The following HORMAD2 variants were observed in gnomAD, a reference collection of about 807,000 sequenced individuals.
The protein encoded by HORMAD2 is HORMA domain-containing protein 2.
Under a neutral mutation model 38.8 loss-of-function variants are expected in HORMAD2, and 45 were observed. The ratio of observed to expected loss-of-function variants is 1.16; its 90% CI spans 0.91 to 1.49. The LOEUF is 1.49. HORMAD2 is among the 40% of genes most tolerant of loss of function. HORMAD2 has a pLI of 0.00. For synonymous variants in HORMAD2, 126 were observed against 122.8 expected, an observed-to-expected ratio of 1.03 and a Z score of -0.17; for missense variants, 338 against 367.0, an observed-to-expected ratio of 0.92 and a Z score of 0.65.
chr22:30,163,352 A>T (rs1201487915), intron 10 of HORMAD2, among the ~76,000 whole-genome samples: 1 of 152,138 alleles, frequency 6.6e-6, no homozygotes, highest in African/African-American at 2.4e-5. Context: ...CTGTTCAAAG[A>T]TTGTATTACC....
At chr22:30,098,762 GA>G (rs1920925677) in intron 2 of HORMAD2, 89 bp from the exon 3 acceptor site, 1 of 1,118,008 alleles carries the variant, frequency 8.9e-7, no homozygotes, top group Non-Finnish European at 1.2e-6. Context: ...GAAGTCCTGA[GA>G]AATCTTTTCA....
intron 10 of HORMAD2, among the ~76,000 whole-genome samples, chr22:30,131,795 C>CT (rs910541384): frequency 2.6e-4 from 40 of 152,040 alleles, no homozygotes; most frequent in African/African-American, 8.9e-4. Context: ...TTTAAGATAG[C>CT]TTTTTTCTTT....
chr22:30,197,910 C>T, the HORMAD2 span, among the ~76,000 whole-genome samples: 1 of 152,088 alleles, frequency 6.6e-6, no homozygotes, highest in African/African-American at 2.4e-5. Flanking sequence ...GGGCAGGTGG[C>T]TCAGGTCTGT....
In HORMAD2 at chr22:30,176,043, C is replaced by G. The variant is rs373086877; in HGVS notation, c.820-20C>G. ...TCAAAATCTCTGCTGAATTGTGCCT[C>G]TCTCTGGTGATTCTCACAGATTCAA... On this transcript the variant is annotated intron_variant, in intron 10 of 10. Coordinates refer to ENST00000336726, the MANE Select transcript of HORMAD2 (RefSeq NM_152510.4). The G allele has an allele frequency of 5.9e-6, 9 of 1,531,534 alleles. No homozygotes were observed. The South Asian group carries it at 7.8e-5, about 13-fold the overall frequency. 94.9% of individuals were successfully genotyped at this position (1,531,534 alleles called of 1,614,324 possible).
chr22:30,176,453 C>A lies in HORMAD2; in HGVS notation c.*286C>A. ...TATTATATTTGTAAAAGAACCACAG[C>A]AGCTATTTTGGAAAGAAGCTGTTGT... is the stretch of plus-strand genomic sequence containing the variant. On this transcript the variant is annotated 3_prime_UTR_variant, in exon 11 of 11. Coordinates refer to ENST00000336726, the MANE Select transcript of HORMAD2 (RefSeq NM_152510.4). 3.4e-6 allele frequency: 1 copy of A among 297,902 alleles called. No homozygotes were observed. The allele number at this position is 297,902 out of a possible 1,614,324, so 18.5% of individuals were successfully genotyped here.
chr22:30,205,156 T>C, the HORMAD2 span, among the ~76,000 whole-genome samples: 7 of 152,172 alleles, frequency 4.6e-5, no homozygotes, highest in Non-Finnish European at 8.8e-5. Flanking sequence ...GTGGATCCTC[T>C]TAATCCTTAA....
At chr22:30,130,270 A>G (rs529393783) in intron 10 of HORMAD2, among the ~76,000 whole-genome samples, 2 of 152,302 alleles carry the variant, frequency 1.3e-5, no homozygotes, top group Non-Finnish European at 2.9e-5. Flanking sequence ...CTAATGGTTG[A>G]AATTATTCAG....
At chr22:30,168,675 C>T (rs1221586476) in intron 10 of HORMAD2, among the ~76,000 whole-genome samples, 3 of 152,104 alleles carry the variant, frequency 2.0e-5, no homozygotes, top group Non-Finnish European at 4.4e-5. Flanking sequence ...AATTAATGAT[C>T]AAGTCATGGT....
intron 1 of HORMAD2, among the ~76,000 whole-genome samples, chr22:30,082,795 C>CAA (rs200117496): frequency 0.01 from 896 of 86,338 alleles, 8 homozygotes; most frequent in African/African-American, 0.031. Context: ...TACTCTGTCT[C>CAA]AAAAAAAAAA....
chr22:30,131,495 T>A (rs1040593624), intron 10 of HORMAD2, among the ~76,000 whole-genome samples: 1 of 152,220 alleles, frequency 6.6e-6, no homozygotes, highest in Admixed American at 6.5e-5. Context: ...TGATCCAGAA[T>A]GGCATTTTTT....
At chr22:30,123,589 C>G (rs1346046066) in intron 10 of HORMAD2, among the ~76,000 whole-genome samples, 2 of 152,100 alleles carry the variant, frequency 1.3e-5, no homozygotes, top group Non-Finnish European at 2.9e-5. Flanking sequence ...TTCACTTTGA[C>G]CTCCCAAAGT....
intron 3 of HORMAD2, among the ~76,000 whole-genome samples, chr22:30,101,186 A>G (rs1041759376): frequency 1.3e-5 from 2 of 152,246 alleles, no homozygotes; most frequent in African/African-American, 4.8e-5. Flanking sequence ...ACCAACCCAA[A>G]TGCCCATCAA....
the HORMAD2 span, among the ~76,000 whole-genome samples, chr22:30,188,314 A>G: frequency 1.5e-4 from 23 of 152,320 alleles, no homozygotes; most frequent in Middle Eastern, 3.4e-3. Flanking sequence ...CTCCTTGTTA[A>G]TTGAATTTCT....
chr22:30,171,681 G>T (rs1177109214), intron 10 of HORMAD2, among the ~76,000 whole-genome samples: 1 of 152,048 alleles, frequency 6.6e-6, no homozygotes, highest in East Asian at 1.9e-4. Context: ...CAAGGCACTT[G>T]CTAGATAGTG....
intron 1 of HORMAD2, among the ~76,000 whole-genome samples, chr22:30,089,789 C>G (rs1169694272): frequency 6.6e-6 from 1 of 152,212 alleles, no homozygotes; most frequent in Non-Finnish European, 1.5e-5. Flanking sequence ...ACACTAAGCA[C>G]ATTTGCAATG....
intron 5 of HORMAD2, among the ~76,000 whole-genome samples, chr22:30,105,595 A>T (rs1921129308): frequency 6.6e-6 from 1 of 152,110 alleles, no homozygotes; most frequent in Non-Finnish European, 1.5e-5. Context: ...TCCACTGCAC[A>T]TTTGTTACTT....
At chr22:30,182,535 C>T in the HORMAD2 span, among the ~76,000 whole-genome samples, 2 of 152,186 alleles carry the variant, frequency 1.3e-5, no homozygotes, top group African/African-American at 4.8e-5. Flanking sequence ...GGGCTGGTGA[C>T]GTGCAGTTTA....
chr22:30,086,011 C>T (rs962584242), intron 1 of HORMAD2, among the ~76,000 whole-genome samples: 1 of 152,210 alleles, frequency 6.6e-6, no homozygotes, highest in African/African-American at 2.4e-5. Flanking sequence ...AATCTCATGT[C>T]AAATTGTAAT....
At chr22:30,177,715 C>CTT (rs59806772), downstream of HORMAD2, among the ~76,000 whole-genome samples, 217 of 94,824 alleles carry the variant, frequency 2.3e-3, 2 homozygotes, top group Middle Eastern at 0.014. Flanking sequence ...TAAGGAGGAG[C>CTT]TTTTTTTTTT....
Sources: gnomAD v4.1 joint callset for allele counts (sites outside exome capture counted in the v4.1 genomes callset) on GRCh38, gnomAD v4.1.1 for gene constraint, MANE v1.5 for transcripts, NCBI Gene and HGNC (gene_info 2026-07-23, HGNC 2026-07-21) for gene names.